PARD3: variants seen among roughly 807,000 people sequenced by gnomAD.
PARD3 encodes the protein par-3 family cell polarity regulator, also known as partitioning defective 3 homolog.
Under a neutral mutation model 155.4 loss-of-function variants are expected in PARD3, and 75 were observed. The observed-to-expected ratio is 0.48, with a 90% CI of 0.40 to 0.58. The LOEUF (loss-of-function observed/expected upper bound fraction) is 0.58. Among genes scored for constraint, PARD3 ranks in the 20% least tolerant of loss-of-function variants. PARD3 has a pLI of 0.00. For synonymous variants in PARD3, 576 were observed against 610.5 expected, an observed-to-expected ratio of 0.94 and a Z score of 0.83; for missense variants, 1,642 against 1,721.7, an observed-to-expected ratio of 0.95 and a Z score of 0.82.
intron 1 of PARD3, among the ~76,000 whole-genome samples, chr10:34,710,449 C>T (rs1002797183): frequency 0.015 from 21 of 1,428 alleles, no homozygotes; most frequent in African/African-American, 0.018. Flanking sequence ...CTCTCCTGTT[C>T]CCAATAAAAT....
chr10:34,538,437 T>C (rs945646677), intron 2 of PARD3, among the ~76,000 whole-genome samples: 2 of 152,198 alleles, frequency 1.3e-5, no homozygotes, highest in Admixed American at 6.5e-5. Flanking sequence ...ATGTGGGTAA[T>C]GACTGACTAG....
chr10:34,586,580 A>C (rs2134312144), intron 2 of PARD3, among the ~76,000 whole-genome samples: 1 of 152,338 alleles, frequency 6.6e-6, no homozygotes, highest in East Asian at 1.9e-4. Flanking sequence ...TGGCACTGTA[A>C]AATGCATAAT....
intron 4 of PARD3, among the ~76,000 whole-genome samples, chr10:34,457,495 A>G (rs951694335): frequency 6.6e-6 from 1 of 152,252 alleles, no homozygotes; most frequent in African/African-American, 2.4e-5. Context: ...GAAAGAAGAA[A>G]CAGGGATCTG....
chr10:34,543,960 C>T (rs2083844245), intron 2 of PARD3, among the ~76,000 whole-genome samples: 1 of 152,166 alleles, frequency 6.6e-6, no homozygotes, highest in African/African-American at 2.4e-5. Flanking sequence ...AAGAAAATTA[C>T]ATTAGTGAAG....
intron 20 of PARD3, among the ~76,000 whole-genome samples, chr10:34,285,878 A>C (rs1956364980): frequency 2.0e-5 from 3 of 152,160 alleles, no homozygotes; most frequent in African/African-American, 7.2e-5. Flanking sequence ...TACATATATT[A>C]TTATACAGTA....
At chr10:34,161,470 T>G (rs1285447166) in intron 22 of PARD3, among the ~76,000 whole-genome samples, 2 of 152,096 alleles carry the variant, frequency 1.3e-5, no homozygotes, top group Non-Finnish European at 2.9e-5. Context: ...TCTGCTTTAC[T>G]TTAGGAAACA....
chr10:34,681,821 A>G (rs2093848372), intron 2 of PARD3, among the ~76,000 whole-genome samples: 1 of 98,544 alleles, frequency 1.0e-5, no homozygotes, highest in African/African-American at 4.0e-5. Flanking sequence ...AGGTCTCACT[A>G]TGTTGCCCAG....
At position 34,613,681 on chromosome 10, in the gene PARD3, C is replaced by A. The variant is rs936914584; in HGVS notation, c.222+82637G>T. Among the ~76,000 whole-genome samples, 46 of 152,080 alleles carry A rather than the reference C, an allele frequency of 3.0e-4. 1 individual carries two copies. The highest frequency in any genetic ancestry group is 1.9e-3 in the South Asian group (9 of 4,814). ...AGAAAATTCAGACACAATGGCACCA[C>A]AGGAAAAAGGGCAAACAAATTCATT... On this transcript the variant is annotated intron_variant, in intron 2 of 24. Coordinates refer to ENST00000374788, the MANE Select transcript of PARD3 (RefSeq NM_001184785.2).
chr10:34,618,724 C>CT (rs2091431814), intron 2 of PARD3, among the ~76,000 whole-genome samples: 1 of 152,190 alleles, frequency 6.6e-6, no homozygotes, highest in African/African-American at 2.4e-5. Context: ...ATATCACACT[C>CT]TACACATCTA....
At chr10:34,523,498 A>T (rs994533175) in intron 2 of PARD3, among the ~76,000 whole-genome samples, 2 of 152,232 alleles carry the variant, frequency 1.3e-5, no homozygotes, top group Non-Finnish European at 2.9e-5. Flanking sequence ...GAATACTAGA[A>T]ACAAGAATAA....
intron 4 of PARD3, among the ~76,000 whole-genome samples, chr10:34,469,815 T>C (rs930581490): frequency 1.3e-5 from 2 of 152,198 alleles, no homozygotes; most frequent in Non-Finnish European, 2.9e-5. Context: ...AATGTTTTCA[T>C]TTTTAACGAT....
At chr10:34,378,952 G>A (rs1177453011) in intron 9 of PARD3, among the ~76,000 whole-genome samples, 1 of 152,140 alleles carries the variant, frequency 6.6e-6, no homozygotes, top group Admixed American at 6.5e-5. Context: ...GAATCAAGAC[G>A]CAAGAAGCCA....
At chr10:34,604,764 C>T (rs1248889421) in intron 2 of PARD3, among the ~76,000 whole-genome samples, 2 of 151,362 alleles carry the variant, frequency 1.3e-5, no homozygotes, top group Non-Finnish European at 2.9e-5. Context: ...CTCGCTATAC[C>T]GTCTACTGAA....
chr10:34,717,603 T>C (rs1314101373), intron 1 of PARD3, among the ~76,000 whole-genome samples: 1 of 152,012 alleles, frequency 6.6e-6, no homozygotes, highest in Non-Finnish European at 1.5e-5. Context: ...AAAGTCACGG[T>C]CCCACGCAGA....
At chr10:34,253,992 C>T (rs1954486726) in intron 22 of PARD3, among the ~76,000 whole-genome samples, 1 of 152,112 alleles carries the variant, frequency 6.6e-6, no homozygotes, top group African/African-American at 2.4e-5. Context: ...ACGCACATTG[C>T]TCCAGTGATG....
At chr10:34,451,113 C>G (rs753428270) in intron 4 of PARD3, among the ~76,000 whole-genome samples, 7 of 152,096 alleles carry the variant, frequency 4.6e-5, no homozygotes, top group Non-Finnish European at 1.0e-4. Context: ...AAATATTTAT[C>G]AACTAAGTTT....
At chr10:34,469,642 T>G (rs907273393) in intron 4 of PARD3, among the ~76,000 whole-genome samples, 1 of 152,176 alleles carries the variant, frequency 6.6e-6, no homozygotes, top group African/African-American at 2.4e-5. Context: ...CTAAGTTCCT[T>G]AATGTACCTC....
intron 20 of PARD3, among the ~76,000 whole-genome samples, chr10:34,310,870 T>C (rs1957664094): frequency 6.6e-6 from 1 of 152,242 alleles, no homozygotes; most frequent in African/African-American, 2.4e-5. Context: ...AACAGAGCTG[T>C]TCTTTGTCCA....
chr10:34,590,780 T>C (rs1271943849), intron 2 of PARD3, among the ~76,000 whole-genome samples: 1 of 152,204 alleles, frequency 6.6e-6, no homozygotes, highest in Non-Finnish European at 1.5e-5. Context: ...GATTTGTCTT[T>C]TAGGACTTCT....
Sources: gnomAD v4.1 joint callset for allele counts (sites outside exome capture counted in the v4.1 genomes callset) on GRCh38, gnomAD v4.1.1 for gene constraint, MANE v1.5 for transcripts, NCBI Gene and HGNC (gene_info 2026-07-23, HGNC 2026-07-21) for gene names.